Variants in RAD54B observed in about 807,000 individuals in gnomAD.
RAD54B encodes the protein RAD54 homolog B.
A neutral mutation model predicts 95.8 loss-of-function variants in RAD54B; 78 were observed. The observed-to-expected ratio is 0.81, with a 90% CI of 0.68 to 0.98. The LOEUF (loss-of-function observed/expected upper bound fraction) is 0.98, where lower values mean the gene tolerates loss of function less well. Among genes scored for constraint, RAD54B ranks in the 50% least tolerant of loss-of-function variants. The pLI is 0.00. For missense variants in RAD54B, 957 were observed against 1,056.6 expected, an observed-to-expected ratio of 0.91 and a Z score of 1.31; for synonymous variants, 328 against 354.9, an observed-to-expected ratio of 0.92 and a Z score of 0.85.
At chr8:94,402,280 G>A (rs149850657) in intron 6 of RAD54B, among the ~76,000 whole-genome samples, 330 of 149,626 alleles carry the variant, frequency 2.2e-3, no homozygotes, top group African/African-American at 7.9e-3. Flanking sequence ...TCCAGACGGA[G>A]TCTTGCTCTG....
intron 14 of RAD54B, among the ~76,000 whole-genome samples, chr8:94,373,517 T>G (rs2450579): frequency 0.91 from 137,852 of 152,264 alleles, 62,839 homozygotes; most frequent in Non-Finnish European, 0.96. Context: ...AGATGCAGGG[T>G]ATCCCAGCAG....
intron 3 of RAD54B, chr8:94,436,440 G>T: frequency 6.8e-7 from 1 of 1,473,994 alleles, no homozygotes. Flanking sequence ...CTAAGCCAAA[G>T]CCCAATAGAT....
chr8:94,424,186 A>G (rs1811887719), intron 3 of RAD54B, among the ~76,000 whole-genome samples: 1 of 152,242 alleles, frequency 6.6e-6, no homozygotes, highest in South Asian at 2.1e-4. Flanking sequence ...CTTTTGCAGA[A>G]CAGCAGAAGG....
intron 2 of RAD54B, among the ~76,000 whole-genome samples, chr8:94,461,211 G>A (rs547860017): frequency 2.8e-4 from 29 of 104,434 alleles, no homozygotes; most frequent in Admixed American, 7.1e-4. Flanking sequence ...TTGCTCTTGT[G>A]GCCCAGGCTG....
chr8:94,404,224 G>A lies in RAD54B; in HGVS notation c.797C>T (p.Pro266Leu), dbSNP rs765482000. ...DPYTPNSLVM[P>L]RPDKNHQWVF... ...CCACTGGTGATTCTTATCTGGTCGT[G>A]GCATAACGAGGGAATCTTAAAAAAT... The change falls in exon 6 of 15, where the codon CCA becomes CTA. Residue 266 changes from proline (P) to leucine (L), a missense_variant. Physicochemically the swap from Pro to Leu is moderately conservative, Grantham distance 98 (BLOSUM62 -3). Transcript: ENST00000336148. 4 of 1,586,572 alleles carry A rather than the reference G, an allele frequency of 2.5e-6. No homozygotes were observed. The highest frequency in any genetic ancestry group is 2.7e-5 in the African/African-American group (2 of 73,252).
intron 7 of RAD54B, 106 bp downstream of exon 7, chr8:94,400,132 A>C (rs1811235781): frequency 1.0e-6 from 1 of 983,452 alleles, no homozygotes; most frequent in Non-Finnish European, 1.5e-6. Flanking sequence ...CTAAAACTCC[A>C]TTTTTGTGCA....
At chr8:94,468,693 G>C (rs761662090) in intron 1 of RAD54B, among the ~76,000 whole-genome samples, 20 of 152,032 alleles carry the variant, frequency 1.3e-4, no homozygotes, top group Non-Finnish European at 2.6e-4. Flanking sequence ...GCCAGGAGTG[G>C]TGGCGGGCGC....
intron 11 of RAD54B, among the ~76,000 whole-genome samples, chr8:94,383,417 G>A (rs903624745): frequency 6.6e-6 from 1 of 152,060 alleles, no homozygotes; most frequent in Non-Finnish European, 1.5e-5. Flanking sequence ...AGAGACCACA[G>A]TGGTACCCCA....
intron 1 of RAD54B, among the ~76,000 whole-genome samples, chr8:94,468,871 C>T (rs1161427645): frequency 6.6e-6 from 1 of 151,760 alleles, no homozygotes; most frequent in Non-Finnish European, 1.5e-5. Flanking sequence ...TGCCTGTAGT[C>T]TCAGCTACTC....
intron 6 of RAD54B, among the ~76,000 whole-genome samples, chr8:94,402,803 T>C (rs552336620): frequency 6.6e-6 from 1 of 152,206 alleles, no homozygotes; most frequent in Admixed American, 6.5e-5. Context: ...CAGAAGCAAA[T>C]ATACAGGTTA....
rs1454713083 is a variant in RAD54B, at chr8:94,387,012, C to A, written c.1957G>T (p.Val653Phe). 4 of 1,607,496 alleles carry A rather than the reference C, an allele frequency of 2.5e-6. No homozygotes were observed. Among genetic ancestry groups the A allele is most frequent in the Non-Finnish European group, 3.4e-6 (4 of 1,178,222 alleles). The change falls in exon 11 of 15, where the codon GTT becomes TTT. Residue 653 changes from valine (V) to phenylalanine (F), a missense_variant. Transcript: ENST00000336148. ...TCAGTAGGTCGAAGTTCGTGGATAA[C>A]CGCTAAGAGCTTGGACAACACCTGT... is the stretch of plus-strand genomic sequence containing the variant. ...KLQVLSKLLA[V>F]IHELRPTEKV...
At chr8:94,471,459 G>A (rs10956913) in intron 1 of RAD54B, among the ~76,000 whole-genome samples, 47,085 of 151,912 alleles carry the variant, frequency 0.31, 7,766 homozygotes, top group East Asian at 0.43. Flanking sequence ...AGAACTTGTT[G>A]GAGGTGATAG....
intron 3 of RAD54B, among the ~76,000 whole-genome samples, chr8:94,422,621 T>A (rs1226290550): frequency 0.038 from 1,445 of 37,678 alleles, 26 homozygotes; most frequent in Non-Finnish European, 0.047. Flanking sequence ...AAAAAAAATA[T>A]ATATATATAT....
chr8:94,429,073 A>T (rs1812017270), intron 3 of RAD54B: 1 of 985,272 alleles, frequency 1.0e-6, no homozygotes, highest in Non-Finnish European at 1.2e-6. Flanking sequence ...AACAAGACTG[A>T]CTTGGAGAAA....
At chr8:94,440,857 CATATTGTTTT>C (rs961958386) in intron 3 of RAD54B, among the ~76,000 whole-genome samples, 19 of 152,258 alleles carry the variant, frequency 1.2e-4, no homozygotes, top group African/African-American at 4.3e-4. Context: ...GAGACCCTCT[CATATTGTTTT>C]ATATTGTTTT....
At chr8:94,422,359 G>A (rs2919673) in intron 3 of RAD54B, among the ~76,000 whole-genome samples, 58,478 of 150,734 alleles carry the variant, frequency 0.39, 11,529 homozygotes, top group Admixed American at 0.5. Flanking sequence ...GGCTGAGGCA[G>A]GCGGATTACC....
At chr8:94,454,071 G>A (rs1812726001) in intron 3 of RAD54B, among the ~76,000 whole-genome samples, 1 of 151,888 alleles carries the variant, frequency 6.6e-6, no homozygotes, top group Non-Finnish European at 1.5e-5. Context: ...GATTACAGAC[G>A]TGAGCCACCA....
chr8:94,412,246 T>C (rs1236539981), intron 3 of RAD54B, among the ~76,000 whole-genome samples: 1 of 152,190 alleles, frequency 6.6e-6, no homozygotes, highest in Admixed American at 6.5e-5. Flanking sequence ...TGTGTACCTA[T>C]ACCAAGAAGT....
At chr8:94,377,962 C>T (rs1278031368) in intron 14 of RAD54B, among the ~76,000 whole-genome samples, 1 of 99,310 alleles carries the variant, frequency 1.0e-5, no homozygotes, top group South Asian at 3.8e-4. Flanking sequence ...GGCGACAGAG[C>T]GAGACTCCGT....
Sources: allele counts gnomAD v4.1 joint callset (sites outside exome capture counted in the v4.1 genomes callset), GRCh38; gene constraint gnomAD v4.1.1; transcripts MANE v1.5; gene names NCBI Gene and HGNC (gene_info 2026-07-23, HGNC 2026-07-21).